The following TASP1 variants were observed in gnomAD, a reference collection of about 807,000 sequenced individuals.
TASP1 encodes threonine aspartase 1.
A neutral mutation model predicts 56.6 loss-of-function variants in TASP1; 16 were observed. That is an observed-to-expected ratio of 0.28 (90% confidence interval 0.19 to 0.43). TASP1 has a LOEUF of 0.43. Ranked by LOEUF, TASP1 falls within the 20% of genes least tolerant of loss-of-function variation. TASP1 has a pLI of 1.00. For missense variants in TASP1, 393 were observed against 511.6 expected (o/e 0.77, Z 2.24); for synonymous variants, 179 against 184.2 (o/e 0.97, Z 0.23).
chr20:13,613,777 G>T (rs1188643664), intron 4 of TASP1, among the ~76,000 whole-genome samples: 1 of 151,870 alleles, frequency 6.6e-6, no homozygotes, highest in Admixed American at 6.6e-5. Flanking sequence ...AAGAATTAAT[G>T]AACTTTAACC....
the TASP1 span, among the ~76,000 whole-genome samples, chr20:13,229,059 T>G: frequency 2.0e-5 from 3 of 152,160 alleles, no homozygotes; most frequent in Non-Finnish European, 2.9e-5. Flanking sequence ...TTTTCTCCCC[T>G]TCTTTTTCTT....
chr20:13,394,223 G>A (rs1164312123), intron 13 of TASP1, among the ~76,000 whole-genome samples: 1 of 144,590 alleles, frequency 6.9e-6, no homozygotes, highest in African/African-American at 2.7e-5. Context: ...GGCAGAGGTT[G>A]CAGTGAGCCA....
At chr20:13,190,684 T>C in the TASP1 span, among the ~76,000 whole-genome samples, 3 of 152,008 alleles carry the variant, frequency 2.0e-5, no homozygotes, top group Non-Finnish European at 1.5e-5. Context: ...GAAAGATGTT[T>C]TGGGTAAGAA....
chr20:13,261,536 A>T, the TASP1 span, among the ~76,000 whole-genome samples: 2 of 152,180 alleles, frequency 1.3e-5, no homozygotes, highest in African/African-American at 4.8e-5. Context: ...CCAGTCTACC[A>T]TAAGTGCAGA....
At chr20:13,519,488 A>G (rs953647213) in intron 10 of TASP1, among the ~76,000 whole-genome samples, 32 of 152,204 alleles carry the variant, frequency 2.1e-4, no homozygotes, top group African/African-American at 7.7e-4. Flanking sequence ...AATAAATGTA[A>G]TCCAGCATAT....
At chr20:13,177,134 G>C in the TASP1 span, among the ~76,000 whole-genome samples, 1 of 152,042 alleles carries the variant, frequency 6.6e-6, no homozygotes, top group Non-Finnish European at 1.5e-5. Context: ...CCAGCTACTG[G>C]GGAGGCTGAG....
At chr20:13,447,875 G>T (rs555047633) in intron 11 of TASP1, among the ~76,000 whole-genome samples, 3 of 152,106 alleles carry the variant, frequency 2.0e-5, no homozygotes, top group Admixed American at 2.0e-4. Context: ...AAGGCAGTAA[G>T]CCCTTGGCTA....
the TASP1 span, chr20:13,153,883 C>T: frequency 1.5e-6 from 2 of 1,322,434 alleles, no homozygotes; most frequent in Non-Finnish European, 2.1e-6. Context: ...TCCCTACTTC[C>T]TCCTCCCAGC....
At chr20:13,542,663 A>C (rs2045666033) in intron 8 of TASP1, among the ~76,000 whole-genome samples, 1 of 152,176 alleles carries the variant, frequency 6.6e-6, no homozygotes, top group African/African-American at 2.4e-5. Context: ...CTATAATACA[A>C]TTAACTTAGG....
the TASP1 span, among the ~76,000 whole-genome samples, chr20:13,331,973 T>C: frequency 6.6e-6 from 1 of 152,290 alleles, no homozygotes; most frequent in Admixed American, 6.5e-5. Context: ...ATAATGATGC[T>C]GGAGCACGTT....
At chr20:13,202,042 C>T in the TASP1 span, among the ~76,000 whole-genome samples, 6 of 152,288 alleles carry the variant, frequency 3.9e-5, no homozygotes, top group African/African-American at 9.6e-5. Context: ...CATGAGCCAC[C>T]GCGCCTGGCA....
At chr20:13,289,390 A>G in the TASP1 span, among the ~76,000 whole-genome samples, 4 of 152,242 alleles carry the variant, frequency 2.6e-5, no homozygotes, top group African/African-American at 9.6e-5. Context: ...AAAGGCTCCC[A>G]GGAGCGCAAC....
the TASP1 span, among the ~76,000 whole-genome samples, chr20:13,258,202 G>A: frequency 6.6e-6 from 1 of 152,142 alleles, no homozygotes; most frequent in African/African-American, 2.4e-5. Context: ...TGATCTGCAT[G>A]TATTACATCA....
At chr20:13,623,881 A>AT (rs1600194925) in intron 3 of TASP1, among the ~76,000 whole-genome samples, 1 of 152,298 alleles carries the variant, frequency 6.6e-6, no homozygotes, top group East Asian at 1.9e-4. Flanking sequence ...CTAAATCTCA[A>AT]ACTAATCATT....
the TASP1 span, among the ~76,000 whole-genome samples, chr20:13,325,172 G>C: frequency 5.9e-5 from 9 of 152,286 alleles, no homozygotes; most frequent in Non-Finnish European, 1.0e-4. Flanking sequence ...GGGGTGAGGT[G>C]GGGGGATGGC....
chr20:13,224,797 T>C, the TASP1 span, among the ~76,000 whole-genome samples: 1 of 151,908 alleles, frequency 6.6e-6, no homozygotes, highest in Non-Finnish European at 1.5e-5. Flanking sequence ...GCCTTTTATG[T>C]GGCAGGCACT....
chr20:13,545,977 T>G (rs1317108391), intron 8 of TASP1, among the ~76,000 whole-genome samples: 2 of 152,160 alleles, frequency 1.3e-5, no homozygotes, highest in Non-Finnish European at 2.9e-5. Flanking sequence ...CTCCATCCAG[T>G]TAATTCCTGT....
At chr20:13,260,483 GAGA>G in the TASP1 span, among the ~76,000 whole-genome samples, 4 of 152,214 alleles carry the variant, frequency 2.6e-5, no homozygotes, top group Non-Finnish European at 4.4e-5. Context: ...AGAGAGAAAG[GAGA>G]AGATGTTCTA....
the TASP1 span, among the ~76,000 whole-genome samples, chr20:13,337,190 T>C: frequency 1.3e-5 from 2 of 152,076 alleles, no homozygotes; most frequent in African/African-American, 4.8e-5. Context: ...CTGGGGAATT[T>C]TAAGAGGAAT....
Sources: gnomAD v4.1 joint callset for allele counts (sites outside exome capture counted in the v4.1 genomes callset) on GRCh38, gnomAD v4.1.1 for gene constraint, MANE v1.5 for transcripts, NCBI Gene and HGNC (gene_info 2026-07-23, HGNC 2026-07-21) for gene names.